The following TUSC3 variants were observed in gnomAD, a reference collection of about 807,000 sequenced individuals.
TUSC3 encodes dolichyl-diphosphooligosaccharide--protein glycosyltransferase subunit TUSC3.
TUSC3 carries 45 observed loss-of-function variants against 44.8 expected under a neutral mutation model. The ratio of observed to expected loss-of-function variants is 1.00; its 90% CI spans 0.79 to 1.29. TUSC3 has a LOEUF of 1.29. Among genes scored for constraint, TUSC3 ranks in the 50% most tolerant of loss-of-function variants. The pLI, the probability that TUSC3 is intolerant of heterozygous loss-of-function variation, is 0.00. For missense variants in TUSC3, 519 were observed against 437.9 expected (o/e 1.19, Z -1.65); for synonymous variants, 212 against 152.9 (o/e 1.39, Z -2.85).
intron 1 of TUSC3, among the ~76,000 whole-genome samples, chr8:15,581,990 G>T (rs372725199): frequency 0.018 from 2,765 of 151,756 alleles, 76 homozygotes; most frequent in African/African-American, 0.062. Context: ...CTCTGAGCCA[G>T]GTGTGGGATA....
At chr8:15,432,221 G>A (rs1039446552) in intron 1 of TUSC3, among the ~76,000 whole-genome samples, 1 of 152,048 alleles carries the variant, frequency 6.6e-6, no homozygotes, top group Non-Finnish European at 1.5e-5. Context: ...GAATTCACCA[G>A]GAAGCCATCT....
At chr8:15,759,964 A>G (rs1812104643) in intron 10 of TUSC3, among the ~76,000 whole-genome samples, 1 of 151,992 alleles carries the variant, frequency 6.6e-6, no homozygotes, top group South Asian at 2.1e-4. Flanking sequence ...TTTGGCCTAC[A>G]TTACTTTTCT....
At chr8:15,603,389 A>G (rs370180932) in intron 1 of TUSC3, among the ~76,000 whole-genome samples, 4 of 151,756 alleles carry the variant, frequency 2.6e-5, no homozygotes, top group South Asian at 4.1e-4. Context: ...ATGTGGGAAA[A>G]TGGGAACCCA....
intron 1 of TUSC3, among the ~76,000 whole-genome samples, chr8:15,555,565 G>A (rs1385328842): frequency 6.6e-6 from 1 of 151,422 alleles, no homozygotes; most frequent in African/African-American, 2.4e-5. Flanking sequence ...AGAGTGCTGG[G>A]ATTACAGTAT....
chr8:15,851,394 C>T, the TUSC3 span, among the ~76,000 whole-genome samples: 70 of 152,162 alleles, frequency 4.6e-4, no homozygotes, highest in South Asian at 6.2e-3. Flanking sequence ...TATAACGATG[C>T]GATGATAACA....
intron 1 of TUSC3, among the ~76,000 whole-genome samples, chr8:15,562,927 A>T (rs558222720): frequency 6.6e-6 from 1 of 152,156 alleles, no homozygotes; most frequent in African/African-American, 2.4e-5. Context: ...ATGTTTGCAA[A>T]TATTTGCCAT....
chr8:15,433,232 A>G (rs1209530041), intron 1 of TUSC3, among the ~76,000 whole-genome samples: 2 of 152,106 alleles, frequency 1.3e-5, no homozygotes, highest in South Asian at 2.1e-4. Context: ...GTGGAAATGT[A>G]TTCCCCCATA....
intron 2 of TUSC3, among the ~76,000 whole-genome samples, chr8:15,525,636 T>C (rs1017879169): frequency 6.6e-6 from 1 of 152,130 alleles, no homozygotes; most frequent in Non-Finnish European, 1.5e-5. Flanking sequence ...CATTTTCCCG[T>C]GACAGGGCTA....
intron 1 of TUSC3, among the ~76,000 whole-genome samples, chr8:15,603,469 G>A (rs979077429): frequency 6.6e-6 from 1 of 151,540 alleles, no homozygotes; most frequent in Non-Finnish European, 1.5e-5. Context: ...GTAAGTTTTT[G>A]TATTCTGTGG....
chr8:15,694,042 T>G (rs752666142), intron 6 of TUSC3, among the ~76,000 whole-genome samples: 2 of 152,160 alleles, frequency 1.3e-5, no homozygotes, highest in East Asian at 3.9e-4. Flanking sequence ...TATAGTTTTA[T>G]TGTATTCCTT....
chr8:15,799,211 C>A, the TUSC3 span, among the ~76,000 whole-genome samples: 1 of 152,080 alleles, frequency 6.6e-6, no homozygotes, highest in Non-Finnish European at 1.5e-5. Flanking sequence ...AGGCATTGAG[C>A]TGTAAGATGG....
At chr8:15,725,430 A>G (rs1810460827) in intron 6 of TUSC3, among the ~76,000 whole-genome samples, 2 of 152,186 alleles carry the variant, frequency 1.3e-5, no homozygotes, top group Admixed American at 1.3e-4. Context: ...TATATAAGGG[A>G]CTTGCATAAA....
intron 2 of TUSC3, among the ~76,000 whole-genome samples, chr8:15,528,720 C>CTT (rs1245729293): frequency 6.6e-6 from 1 of 152,142 alleles, no homozygotes; most frequent in Non-Finnish European, 1.5e-5. Context: ...TGGATTCTTT[C>CTT]TTTAATTTTT....
In TUSC3 at chr8:15,757,689, G is replaced by C. The variant is rs1251747715; in HGVS notation, c.1029-102G>C. 7 of 1,412,846 alleles carry C rather than the reference G, an allele frequency of 5.0e-6. No homozygotes were observed. In the South Asian group the frequency reaches 5.8e-5, roughly 12 times the overall value. The allele number at this position is 1,412,846 out of a possible 1,614,324, so 87.5% of individuals were successfully genotyped here. A position where few individuals can be genotyped will look rare whatever the true frequency, so the allele number is the denominator to read the frequency against. ...CTATCCCCTGTCTTATCTAGATAAA[G>C]AATGTAGTGCTAAATCTTGTAATAA... On this transcript the variant is annotated intron_variant, in intron 9 of 10. Transcript: ENST00000503731.
At chr8:15,774,747 G>A in the TUSC3 span, among the ~76,000 whole-genome samples, 1 of 151,874 alleles carries the variant, frequency 6.6e-6, no homozygotes, top group African/African-American at 2.4e-5. Flanking sequence ...CAGTTACTCC[G>A]AAAATGCAAA....
At chr8:15,459,412 CA>C (rs763361941) in intron 1 of TUSC3, among the ~76,000 whole-genome samples, 5 of 151,748 alleles carry the variant, frequency 3.3e-5, no homozygotes, top group Non-Finnish European at 7.4e-5. Flanking sequence ...ACACTTTAAC[CA>C]ATAAAATAAA....
At chr8:15,544,342 A>G (rs149008609) in intron 1 of TUSC3, among the ~76,000 whole-genome samples, 2,563 of 149,328 alleles carry the variant, frequency 0.017, 78 homozygotes, top group Non-Finnish European at 0.026. Flanking sequence ...AAGAGCTCCA[A>G]TTCTGTAATT....
chr8:15,823,261 T>G, the TUSC3 span, among the ~76,000 whole-genome samples: 26,205 of 152,136 alleles, frequency 0.17, 2,407 homozygotes, highest in Admixed American at 0.28. Flanking sequence ...TCTATCATAG[T>G]CCTACTTTTC....
At chr8:15,595,291 A>G (rs1213243974) in intron 1 of TUSC3, among the ~76,000 whole-genome samples, 1 of 152,134 alleles carries the variant, frequency 6.6e-6, no homozygotes, top group African/African-American at 2.4e-5. Flanking sequence ...GGGAATCTCT[A>G]GATTTCCAGG....
Sources: allele counts gnomAD v4.1 joint callset (sites outside exome capture counted in the v4.1 genomes callset), GRCh38; gene constraint gnomAD v4.1.1; transcripts MANE v1.5; gene names NCBI Gene and HGNC (gene_info 2026-07-23, HGNC 2026-07-21).